The following PCDHGB1 variants were observed in gnomAD, a reference collection of about 807,000 sequenced individuals.
PCDHGB1 encodes protocadherin gamma-B1.
PCDHGB1 carries 34 observed loss-of-function variants against 56.6 expected under a neutral mutation model. The ratio of observed to expected loss-of-function variants is 0.60; its 90% CI spans 0.46 to 0.80. The LOEUF is 0.80. PCDHGB1 is among the 30% of genes least tolerant of loss of function. The pLI, the probability that PCDHGB1 is intolerant of heterozygous loss-of-function variation, is 0.00. For missense variants in PCDHGB1, 1,278 were observed against 1,204.6 expected, an observed-to-expected ratio of 1.06 and a Z score of -0.90; for synonymous variants, 561 against 505.9, an observed-to-expected ratio of 1.11 and a Z score of -1.46.
chr5:141,404,656 C>A, intron 1 of PCDHGB1: 1 of 1,614,176 alleles, frequency 6.2e-7, no homozygotes, highest in Non-Finnish European at 8.5e-7. Context: ...CTGCCCTCCC[C>A]ACTGATGGTT....
At chr5:141,414,310 G>A in intron 1 of PCDHGB1, 1 of 1,613,722 alleles carries the variant, frequency 6.2e-7, no homozygotes, top group South Asian at 1.1e-5. Context: ...GCATGATTTA[G>A]ACTCTGAGCA....
chr5:141,376,553 G>A (rs746063311), intron 1 of PCDHGB1: 3 of 1,610,808 alleles, frequency 1.9e-6, no homozygotes, highest in Admixed American at 1.7e-5. Context: ...TGATCTTCCC[G>A]CAACCCAACT....
chr5:141,495,833 G>A (rs559689667), intron 2 of PCDHGB1, among the ~76,000 whole-genome samples: 3 of 151,876 alleles, frequency 2.0e-5, no homozygotes, highest in African/African-American at 4.8e-5. Context: ...TCTATCCCCA[G>A]CCTCTATGTT....
Position 141,505,473 on chromosome 5 carries a change from C to T in PCDHGB1, c.2549C>T (p.Ser850Phe). The change falls in exon 3 of 4, where the codon TCC (serine) becomes TTC (phenylalanine). Residue 850 changes from serine to phenylalanine, a missense_variant. Transcript: ENST00000523390. Reference sequence around the variant, plus strand: ...ATGCTGCAAGCCATGATCTTGGCGTCCGCCAGTGGTAAGTGGTGTCAGTGT... The same window carrying T: ...ATGCTGCAAGCCATGATCTTGGCGTTCGCCAGTGGTAAGTGGTGTCAGTGT... ...TEMLQAMILA[S>F]ASEAADGSST... is the part of the protein sequence containing the mutation. The T allele has an allele frequency of 6.2e-7, 1 of 1,614,188 alleles. No homozygotes were observed. Among genetic ancestry groups the T allele is most frequent in the Non-Finnish European group, 8.5e-7 (1 of 1,180,014 alleles).
At chr5:141,447,797 T>C (rs536848880) in intron 1 of PCDHGB1, among the ~76,000 whole-genome samples, 16 of 152,022 alleles carry the variant, frequency 1.1e-4, no homozygotes, top group Admixed American at 7.9e-4. Context: ...TTTAAGAAAA[T>C]AAAATTGGCT....
chr5:141,489,546 C>T lies in PCDHGB1; in HGVS notation c.2410-5261C>T, dbSNP rs1404605129. ...GCCTATGTGGAGCCAGCACCAGCTGCCTGCTGCCAGTGCAGGTGGTGACTG... is the reference window on the plus strand; with the variant it reads ...GCCTATGTGGAGCCAGCACCAGCTGTCTGCTGCCAGTGCAGGTGGTGACTG... On this transcript the variant is annotated intron_variant, in intron 1 of 3. Coordinates refer to ENST00000523390, the MANE Select transcript of PCDHGB1 (RefSeq NM_018922.3). The surrounding 1 kb of genome is among the most constrained non-coding windows in gnomAD (Gnocchi z 4.5). 2 of 1,614,076 alleles carry T rather than the reference C, an allele frequency of 1.2e-6. No homozygotes were observed. The highest frequency in any genetic ancestry group is 2.2e-5 in the East Asian group (1 of 44,868).
At chr5:141,433,358 C>CCTAG (rs1554125965) in intron 1 of PCDHGB1, 2 of 498,106 alleles carry the variant, frequency 4.0e-6, no homozygotes, top group African/African-American at 4.2e-5. Flanking sequence ...CTACTGTCTG[C>CCTAG]CTATCTATCT....
At chr5:141,355,116 T>A in intron 1 of PCDHGB1, 1 of 1,511,608 alleles carries the variant, frequency 6.6e-7, no homozygotes, top group South Asian at 1.3e-5. Flanking sequence ...GAATGCACTT[T>A]ATTTTGGACC....
chr5:141,455,448 C>T (rs1403500578), intron 1 of PCDHGB1, among the ~76,000 whole-genome samples: 1 of 152,112 alleles, frequency 6.6e-6, no homozygotes, highest in African/African-American at 2.4e-5. Context: ...CCATCTACCG[C>T]GGATACCAGC....
rs750310317 is a variant in PCDHGB1 at position 141,385,220 on chromosome 5, A to G, written c.2409+32551A>G. 8 of 1,614,172 alleles carry G rather than the reference A, an allele frequency of 5.0e-6. No homozygotes were observed. The South Asian group carries it at 7.7e-5, about 16-fold the overall frequency. ...AGTCACCTGATCTTCCCCCAGCCCA[A>G]CTATGTAGACATGCTCATCAGCCAG... On this transcript the variant is annotated intron_variant, in intron 1 of 3. Transcript: ENST00000523390.
Position 141,431,386 on chromosome 5 carries a change from C to A in PCDHGB1, c.2410-63421C>A. The stretch of plus-strand genomic sequence containing the variant: ...ACCGCGAAGAAAAGGCTGCTCACCA[C>A]CTGGTCCTTACGGCCTCCGACGGGG... On this transcript the variant is annotated intron_variant, in intron 1 of 3. Coordinates refer to ENST00000523390, the MANE Select transcript of PCDHGB1 (RefSeq NM_018922.3). The surrounding 1 kb of genome is among the most constrained non-coding windows in gnomAD (Gnocchi z 4.8). The A allele has an allele frequency of 6.2e-7, 1 of 1,613,924 alleles. No individual in the cohort carries two copies. Among genetic ancestry groups the A allele is most frequent in the Non-Finnish European group, 8.5e-7 (1 of 1,180,038 alleles).
chr5:141,388,848 G>T (rs766706887), intron 1 of PCDHGB1: 1 of 1,613,942 alleles, frequency 6.2e-7, no homozygotes, highest in East Asian at 2.2e-5. Context: ...AGCAAGGGAC[G>T]GTGGAGGAAT....
intron 1 of PCDHGB1, among the ~76,000 whole-genome samples, chr5:141,434,495 G>A (rs1414485396): frequency 6.6e-6 from 1 of 152,220 alleles, no homozygotes; most frequent in Non-Finnish European, 1.5e-5. Flanking sequence ...GGCCCGCCCA[G>A]GGCAGAAAAC....
At chr5:141,373,886 A>G in intron 1 of PCDHGB1, 1 of 500,972 alleles carries the variant, frequency 2.0e-6, no homozygotes, top group Non-Finnish European at 3.4e-6. Context: ...AATCAACGGA[A>G]ACTCAAGTTA....
At chr5:141,419,724 G>T in intron 1 of PCDHGB1, 1 of 1,613,488 alleles carries the variant, frequency 6.2e-7, no homozygotes, top group Non-Finnish European at 8.5e-7. Flanking sequence ...CTGGGGCTGC[G>T]AACAGGCGAG....
intron 1 of PCDHGB1, chr5:141,371,300 CA>C: frequency 6.2e-7 from 1 of 1,613,950 alleles, no homozygotes; most frequent in Non-Finnish European, 8.5e-7. Flanking sequence ...GGGAACTCAC[CA>C]CTATTGGAGA....
At chr5:141,394,326 A>G in intron 1 of PCDHGB1, 1 of 1,613,902 alleles carries the variant, frequency 6.2e-7, no homozygotes, top group Non-Finnish European at 8.5e-7. Flanking sequence ...GTCCTCGTAT[A>G]TCTCCATCAA....
chr5:141,438,586 A>G (rs949534736), intron 1 of PCDHGB1, among the ~76,000 whole-genome samples: 2 of 56,254 alleles, frequency 3.6e-5, no homozygotes, highest in South Asian at 6.2e-4. Context: ...ATACATACAT[A>G]CATACATATA....
intron 1 of PCDHGB1, chr5:141,366,122 T>G: frequency 6.2e-7 from 1 of 1,614,210 alleles, no homozygotes. Context: ...GGACAAAGAT[T>G]CAGGCCAGAA....
Sources: allele counts gnomAD v4.1 joint callset (sites outside exome capture counted in the v4.1 genomes callset), GRCh38; gene constraint gnomAD v4.1.1; non-coding constraint Gnocchi (gnomAD v3.1); transcripts MANE v1.5; gene names NCBI Gene and HGNC (gene_info 2026-07-23, HGNC 2026-07-21).